Variants in SELENOF observed in about 807,000 individuals in gnomAD.
The protein encoded by SELENOF is selenoprotein F, also known as 15 kDa selenoprotein.
SELENOF carries 16 observed loss-of-function variants against 20.5 expected under a neutral mutation model. That is an observed-to-expected ratio of 0.78 (90% confidence interval 0.53 to 1.19). SELENOF has a LOEUF of 1.19. Among genes scored for constraint, SELENOF ranks in the 50% most tolerant of loss-of-function variants. The pLI is 0.00. For missense variants in SELENOF, 215 were observed against 194.2 expected, an observed-to-expected ratio of 1.11 and a Z score of -0.64; for synonymous variants, 78 against 74.5, an observed-to-expected ratio of 1.05 and a Z score of -0.24.
At chr1:86,906,867 TTC>T (rs1455018860) in intron 1 of SELENOF, among the ~76,000 whole-genome samples, 1 of 152,232 alleles carries the variant, frequency 6.6e-6, no homozygotes, top group African/African-American at 2.4e-5. Flanking sequence ...TTTAGGGTAA[TTC>T]TGTTTTGCAG....
chr1:86,896,644 AATTAAC>A (rs1659534357), intron 2 of SELENOF, among the ~76,000 whole-genome samples: 2 of 152,220 alleles, frequency 1.3e-5, no homozygotes. Context: ...TGTGCTAAAT[AATTAAC>A]ATTATCTCTT....
intron 2 of SELENOF, among the ~76,000 whole-genome samples, chr1:86,881,094 A>G (rs933494157): frequency 6.6e-6 from 1 of 152,212 alleles, no homozygotes; most frequent in Non-Finnish European, 1.5e-5. Flanking sequence ...ATATAGGTAT[A>G]TATCATCTAT....
chr1:86,882,358 G>GA (rs987828416), intron 2 of SELENOF, among the ~76,000 whole-genome samples: 32 of 149,138 alleles, frequency 2.1e-4, no homozygotes, highest in African/African-American at 6.1e-4. Context: ...GACAACTCCA[G>GA]AAAAAAAATC....
At position 86,914,070 on chromosome 1, in the gene SELENOF, C is replaced by T. The variant is rs557004637; in HGVS notation, c.42G>A (p.Pro14=). ...MAAGPSGCLV[P]AFGLRLLLAT... Reference sequence around the variant, plus strand: ...CCAACAACAACCGTAGCCCAAACGCCGGCACCAGACACCCACTCGGCCCAG... The same window carrying T: ...CCAACAACAACCGTAGCCCAAACGCTGGCACCAGACACCCACTCGGCCCAG... Residue 14 remains proline, a synonymous_variant, in exon 1 of 5, where the codon CCG becomes CCA. Transcript: ENST00000331835. The T allele has an allele frequency of 2.5e-6, 4 of 1,613,972 alleles. No individual in the cohort carries two copies. The South Asian group carries it at 4.4e-5, about 18-fold the overall frequency.
intron 2 of SELENOF, among the ~76,000 whole-genome samples, chr1:86,881,484 T>C (rs1366155292): frequency 6.6e-6 from 1 of 152,242 alleles, no homozygotes; most frequent in Admixed American, 6.5e-5. Flanking sequence ...TACTTGGAAA[T>C]GCTGTGACCA....
intron 1 of SELENOF, among the ~76,000 whole-genome samples, chr1:86,904,756 A>G (rs1659788362): frequency 6.6e-6 from 1 of 152,172 alleles, no homozygotes; most frequent in African/African-American, 2.4e-5. Flanking sequence ...TACCAAATGC[A>G]AAGGCATTCA....
At chr1:86,911,872 C>A (rs1173632000) in intron 1 of SELENOF, among the ~76,000 whole-genome samples, 1 of 151,754 alleles carries the variant, frequency 6.6e-6, no homozygotes, top group East Asian at 1.9e-4. Context: ...CAACCTCCGC[C>A]TCCTGGGTTC....
chr1:86,882,040 T>C (rs1225736416), intron 2 of SELENOF, among the ~76,000 whole-genome samples: 1 of 152,004 alleles, frequency 6.6e-6, no homozygotes, highest in Non-Finnish European at 1.5e-5. Flanking sequence ...GAGACCATCC[T>C]GGCCAACATG....
chr1:86,894,729 T>C (rs1659475989), intron 2 of SELENOF, among the ~76,000 whole-genome samples: 1 of 152,106 alleles, frequency 6.6e-6, no homozygotes, highest in South Asian at 2.1e-4. Context: ...CCCAGCTACC[T>C]GGGAGGCTGA....
At chr1:86,894,179 T>G (rs1659461388) in intron 2 of SELENOF, among the ~76,000 whole-genome samples, 1 of 151,574 alleles carries the variant, frequency 6.6e-6, no homozygotes, top group African/African-American at 2.4e-5. Flanking sequence ...GGTTTTTTTT[T>G]TTTTTTTTTA....
chr1:86,894,493 T>C (rs1439335253), intron 2 of SELENOF, among the ~76,000 whole-genome samples: 1 of 152,162 alleles, frequency 6.6e-6, no homozygotes, highest in Non-Finnish European at 1.5e-5. Flanking sequence ...AAACTGACTT[T>C]AAAATATGAG....
At chr1:86,900,919 G>GTC (rs1570403489) in intron 2 of SELENOF, among the ~76,000 whole-genome samples, 3 of 152,118 alleles carry the variant, frequency 2.0e-5, no homozygotes, top group Non-Finnish European at 4.4e-5. Context: ...TTGAGTCAGG[G>GTC]TCTCTCTCTG....
chr1:86,872,995 A>G (rs1296696936), intron 3 of SELENOF, among the ~76,000 whole-genome samples: 1 of 151,776 alleles, frequency 6.6e-6, no homozygotes, highest in African/African-American at 2.4e-5. Context: ...AGCCAAAATC[A>G]CTGCAAGCGC....
chr1:86,908,438 A>T (rs1659886827), intron 1 of SELENOF, among the ~76,000 whole-genome samples: 1 of 152,238 alleles, frequency 6.6e-6, no homozygotes. Flanking sequence ...ACCATTTTAT[A>T]AAGAAAGAAA....
intron 3 of SELENOF, among the ~76,000 whole-genome samples, chr1:86,874,707 G>A (rs1658879691): frequency 6.6e-6 from 1 of 152,022 alleles, no homozygotes; most frequent in Admixed American, 6.6e-5. Context: ...TTTGAATTAT[G>A]TTATTTTCAA....
chr1:86,888,709 G>A (rs1659297144), intron 2 of SELENOF, among the ~76,000 whole-genome samples: 2 of 152,336 alleles, frequency 1.3e-5, no homozygotes, highest in East Asian at 3.9e-4. Context: ...CATTGCGCAA[G>A]CTAGAGTGCA....
intron 3 of SELENOF, among the ~76,000 whole-genome samples, chr1:86,879,674 AAAAG>A (rs1392643652): frequency 4.6e-5 from 7 of 152,230 alleles, no homozygotes; most frequent in African/African-American, 1.4e-4. Flanking sequence ...TCAGTTAAAA[AAAAG>A]AGAGAAAGCG....
At chr1:86,891,413 G>A (rs1030148524) in intron 2 of SELENOF, among the ~76,000 whole-genome samples, 3 of 152,222 alleles carry the variant, frequency 2.0e-5, no homozygotes, top group Middle Eastern at 3.4e-3. Context: ...CTTAACCCAG[G>A]AAGAAATATT....
chr1:86,903,294 A>T lies in SELENOF; in HGVS notation c.239T>A (p.Phe80Tyr). The change falls in exon 2 of 5, where the codon TTT (phenylalanine) becomes TAT (tyrosine). Residue 80 changes from phenylalanine to tyrosine, a missense_variant. Phe to Tyr is a conservative substitution (Grantham distance 22, BLOSUM62 3). Coordinates refer to ENST00000331835, the MANE Select transcript of SELENOF (RefSeq NM_004261.5). ...CRGCCQEEAQ[F>Y]ETKKLYAGAI... is the part of the protein sequence containing the mutation. Reference sequence around the variant, plus strand: ...AGAAAACAGTACCTTTTTGGTTTCAAATTGTGCTTCCTCCTGACAGCATCC... The same window carrying T: ...AGAAAACAGTACCTTTTTGGTTTCATATTGTGCTTCCTCCTGACAGCATCC... 6.2e-7 allele frequency: 1 copy of T among 1,610,504 alleles called. No homozygotes were observed. Among genetic ancestry groups the T allele is most frequent in the South Asian group, 1.1e-5 (1 of 90,170 alleles).
Sources: gnomAD v4.1 joint callset for allele counts (sites outside exome capture counted in the v4.1 genomes callset) on GRCh38, gnomAD v4.1.1 for gene constraint, MANE v1.5 for transcripts, NCBI Gene and HGNC (gene_info 2026-07-23, HGNC 2026-07-21) for gene names.